FARP1: variants seen among roughly 807,000 people sequenced by gnomAD.
The protein encoded by FARP1 is FERM, ARHGEF and pleckstrin domain-containing protein 1.
In FARP1, 52 loss-of-function variants were observed where a neutral mutation model predicts 128.8. That is an observed-to-expected ratio of 0.40 (90% CI 0.32 to 0.51). The LOEUF is 0.51. Ranked by LOEUF, FARP1 falls within the 20% of genes least tolerant of loss-of-function variation. The pLI, the probability that FARP1 is intolerant of heterozygous loss-of-function variation, is 0.45. For missense variants in FARP1, 1,333 were observed against 1,367.9 expected (o/e 0.97, Z 0.40); for synonymous variants, 580 against 551.8 (o/e 1.05, Z -0.72).
chr13:98,239,463 C>T (rs1350739015), intron 2 of FARP1, among the ~76,000 whole-genome samples: 1 of 152,016 alleles, frequency 6.6e-6, no homozygotes, highest in African/African-American at 2.4e-5. Context: ...ATATTTTATC[C>T]AGCATTTTTA....
Position 98,421,870 on chromosome 13 carries a change from T to C in FARP1, c.1827-2702T>C, listed in dbSNP as rs146026349. 4.8e-4 allele frequency among the ~76,000 whole-genome samples: 73 copies of C among 152,150 alleles called. No individual in the cohort carries two copies. In the East Asian group the frequency reaches 0.012, roughly 25 times the overall value. ...CCCATATCTTTAAAAAAAAAAAATT[T>C]TTTTTAAGAAAATGGAGGAAGAGGA... On this transcript the variant is annotated intron_variant, in intron 16 of 26. Coordinates refer to ENST00000319562, the MANE Select transcript of FARP1 (RefSeq NM_005766.4).
chr13:98,440,596 A>G, intron 23 of FARP1, 74 bp from the exon 24 acceptor site: 1 of 1,486,742 alleles, frequency 6.7e-7, no homozygotes, highest in East Asian at 2.3e-5. Flanking sequence ...CCAACCTTCC[A>G]GCACCTCAGA....
chr13:98,272,581 G>A (rs1884442398), intron 2 of FARP1, among the ~76,000 whole-genome samples: 1 of 152,176 alleles, frequency 6.6e-6, no homozygotes, highest in African/African-American at 2.4e-5. Flanking sequence ...TGGGGAAAAT[G>A]TCACTTGTTT....
intron 2 of FARP1, among the ~76,000 whole-genome samples, chr13:98,317,553 C>A (rs1417185981): frequency 6.6e-6 from 1 of 152,208 alleles, no homozygotes; most frequent in Admixed American, 6.5e-5. Context: ...CCCTTTCCAG[C>A]TGAAAAGGTG....
chr13:98,267,487 C>T (rs1305623452), intron 2 of FARP1, among the ~76,000 whole-genome samples: 1 of 152,148 alleles, frequency 6.6e-6, no homozygotes, highest in African/African-American at 2.4e-5. Flanking sequence ...GACGCTCCCA[C>T]CCCCCCATAT....
At chr13:98,207,042 C>G (rs1880316136) in intron 1 of FARP1, among the ~76,000 whole-genome samples, 1 of 152,212 alleles carries the variant, frequency 6.6e-6, no homozygotes. Context: ...GTTTTGCTAT[C>G]AAGCATCAAC....
At chr13:98,221,463 G>T (rs183592619) in intron 2 of FARP1, among the ~76,000 whole-genome samples, 18 of 152,316 alleles carry the variant, frequency 1.2e-4, no homozygotes, top group Admixed American at 1.2e-3. Flanking sequence ...CTAAGCCAAA[G>T]CTGTGTCCCA....
intron 2 of FARP1, among the ~76,000 whole-genome samples, chr13:98,232,476 G>A (rs1253632100): frequency 1.3e-5 from 2 of 152,130 alleles, no homozygotes; most frequent in African/African-American, 4.8e-5. Flanking sequence ...TGCAGATATT[G>A]CGTTTTTTAC....
rs1306700523 is a variant in FARP1, at chr13:98,424,618, G to A, written c.1873G>A (p.Asp625Asn). Residue 625 changes from aspartate to asparagine, a missense_variant, in exon 17 of 27, where the codon GAT becomes AAT. Asp to Asn is a conservative substitution (Grantham distance 23). This residue lies in a region of FARP1 where 1,009 missense variants were observed against 969.8 expected (regional missense o/e 1.04). Transcript: ENST00000319562. The stretch of plus-strand genomic sequence containing the variant: ...AATCAGAGATTACCAAAGAATCGGC[G>A]ATGTCATGCTGAAGAACATTCAGGG... Reference protein sequence around the residue: ...AQIRDYQRIGDVMLKNIQGMK... With the variant: ...AQIRDYQRIGNVMLKNIQGMK... 1.2e-5 allele frequency: 20 copies of A among 1,613,808 alleles called. No individual in the cohort carries two copies. The Admixed American group carries it at 1.8e-4, about 15-fold the overall frequency.
intron 1 of FARP1, among the ~76,000 whole-genome samples, chr13:98,191,368 C>T (rs1879218252): frequency 6.6e-6 from 1 of 152,170 alleles, no homozygotes; most frequent in African/African-American, 2.4e-5. Context: ...GCAGTTAGGT[C>T]TTGTTCATAG....
chr13:98,210,951 GC>G (rs1372134275), intron 1 of FARP1, among the ~76,000 whole-genome samples: 1 of 152,122 alleles, frequency 6.6e-6, no homozygotes, highest in Non-Finnish European at 1.5e-5. Context: ...GATTTCCATT[GC>G]TGCTGTCCAG....
chr13:98,420,581 A>G (rs1405073176), intron 16 of FARP1, among the ~76,000 whole-genome samples: 1 of 152,154 alleles, frequency 6.6e-6, no homozygotes, highest in Admixed American at 6.5e-5. Flanking sequence ...GAGTAAGTTA[A>G]TCACATTGCA....
chr13:98,215,556 A>G (rs1196106653), intron 2 of FARP1, among the ~76,000 whole-genome samples: 1 of 152,210 alleles, frequency 6.6e-6, no homozygotes, highest in Non-Finnish European at 1.5e-5. Context: ...AGGTGACACA[A>G]AGTGTTTGGA....
intron 4 of FARP1, among the ~76,000 whole-genome samples, chr13:98,367,645 A>G (rs1420418926): frequency 6.6e-6 from 1 of 152,188 alleles, no homozygotes; most frequent in Non-Finnish European, 1.5e-5. Flanking sequence ...AGCCAGGGCC[A>G]CATCTGGTGT....
chr13:98,168,311 G>A (rs1386323579), intron 1 of FARP1, among the ~76,000 whole-genome samples: 4 of 152,048 alleles, frequency 2.6e-5, no homozygotes, highest in East Asian at 3.9e-4. Flanking sequence ...TTCCTTTATC[G>A]CTGAGTTTTG....
chr13:98,223,201 T>C (rs1454175714), intron 2 of FARP1, among the ~76,000 whole-genome samples: 2 of 152,238 alleles, frequency 1.3e-5, no homozygotes, highest in African/African-American at 4.8e-5. Context: ...ACAGCCTGGA[T>C]GGCTCAGTGC....
At position 98,246,013 on chromosome 13, in the gene FARP1, G is replaced by A. The variant is rs371690324; in HGVS notation, c.171+32600G>A. Reference sequence around the variant, plus strand: ...GCTGGTCTCGAATTCATGAGCTCAGGCAATCTGCCCCCCTCAGCCTCCCAA... The same window carrying A: ...GCTGGTCTCGAATTCATGAGCTCAGACAATCTGCCCCCCTCAGCCTCCCAA... On this transcript the variant is annotated intron_variant, in intron 2 of 26. Transcript: ENST00000319562. Among the ~76,000 whole-genome samples, 12 of 151,032 alleles carry A rather than the reference G, an allele frequency of 7.9e-5. 2 individuals carry two copies. The highest frequency in any genetic ancestry group is 1.9e-4 in the East Asian group (1 of 5,132).
At chr13:98,222,244 G>C (rs1454372187) in intron 2 of FARP1, among the ~76,000 whole-genome samples, 1 of 152,102 alleles carries the variant, frequency 6.6e-6, no homozygotes, top group Non-Finnish European at 1.5e-5. Context: ...AACATGATAC[G>C]GGTTTCACAA....
chr13:98,435,493 C>G, intron 18 of FARP1, 83 bp from the exon 19 acceptor site: 2 of 1,416,318 alleles, frequency 1.4e-6, no homozygotes, highest in Non-Finnish European at 1.9e-6. Flanking sequence ...AGTGATTTCC[C>G]TGCAGCGTTG....
Sources: allele counts gnomAD v4.1 joint callset (sites outside exome capture counted in the v4.1 genomes callset), GRCh38; gene constraint gnomAD v4.1.1; regional missense constraint gnomAD v4.1.1; transcripts MANE v1.5; gene names NCBI Gene and HGNC (gene_info 2026-07-23, HGNC 2026-07-21).